Variants in EPB41L5 observed in about 807,000 individuals in gnomAD.
The protein encoded by EPB41L5 is band 4.1-like protein 5.
A neutral mutation model predicts 106.6 loss-of-function variants in EPB41L5; 55 were observed. That is an observed-to-expected ratio of 0.52 (90% CI 0.42 to 0.65). The LOEUF (loss-of-function observed/expected upper bound fraction) is 0.65. Ranked by LOEUF, EPB41L5 falls within the 30% of genes least tolerant of loss-of-function variation. The probability of loss-of-function intolerance (pLI) is 0.00; values close to 1 mark genes in which losing one functional copy is unlikely to be tolerated. For missense variants in EPB41L5, 871 were observed against 882.1 expected (o/e 0.99, Z 0.16); for synonymous variants, 297 against 306.7 (o/e 0.97, Z 0.33).
chr2:120,112,460 C>T (rs181535127), intron 16 of EPB41L5, among the ~76,000 whole-genome samples: 1 of 152,252 alleles, frequency 6.6e-6, no homozygotes, highest in African/African-American at 2.4e-5. Flanking sequence ...CTGTTCTTGG[C>T]TTCAAGAAAT....
In EPB41L5 at chr2:120,042,051, C is replaced by T. The variant is rs1457282318; in HGVS notation, c.226C>T (p.Leu76=). Reference sequence around the variant, plus strand: ...GTTGTTTGATCAGATTATGTACCACCTGGACCTGATTGAAAGCGACTATTT... The same window carrying T: ...GTTGTTTGATCAGATTATGTACCACTTGGACCTGATTGAAAGCGACTATTT... ...QELFDQIMYH[L]DLIESDYFGL... Residue 76 remains leucine (L), a synonymous_variant, in exon 3 of 25, where the codon CTG becomes TTG. Coordinates refer to ENST00000263713, the MANE Select transcript of EPB41L5 (RefSeq NM_020909.4). 3 of 1,613,490 alleles carry T rather than the reference C, an allele frequency of 1.9e-6. No individual in the cohort carries two copies. Among genetic ancestry groups the T allele is most frequent in the South Asian group, 2.2e-5 (2 of 91,034 alleles).
At position 120,178,024 on chromosome 2, in the gene EPB41L5, C is replaced by T. The variant is rs1045713630; in HGVS notation, c.*3117C>T. On this transcript the variant is annotated 3_prime_UTR_variant, in exon 25 of 25. Transcript: ENST00000263713. ...CTGCTATTTTTCTAAGTAAGAGTCT[C>T]GAGAAGCAGAGTTTTTGTCTTGTCA... is the stretch of plus-strand genomic sequence containing the variant. 3 of 152,596 alleles carry T rather than the reference C, an allele frequency of 2.0e-5. No individual in the cohort carries two copies. Among genetic ancestry groups the T allele is most frequent in the Non-Finnish European group, 4.4e-5 (3 of 68,036 alleles). The allele number at this position is 152,596 out of a possible 1,614,324, so 9.5% of individuals were successfully genotyped here.
In EPB41L5 at chr2:120,175,625, C is replaced by T. The variant is rs114072530; in HGVS notation, c.*718C>T. On this transcript the variant is annotated 3_prime_UTR_variant, in exon 25 of 25. Transcript: ENST00000263713. Reference sequence around the variant, plus strand: ...TCACCCTGCCTTTCCACAGGAAGCACTCACAGGCACCACACACGTATCATG... The same window carrying T: ...TCACCCTGCCTTTCCACAGGAAGCATTCACAGGCACCACACACGTATCATG... 1,388 of 152,222 alleles carry T rather than the reference C, an allele frequency of 9.1e-3. 12 individuals are homozygous for T. Among genetic ancestry groups the T allele is most frequent in the Non-Finnish European group, 0.014 (968 of 68,048 alleles). The allele number at this position is 152,222 out of a possible 1,614,324, so 9.4% of individuals were successfully genotyped here.
chr2:120,104,693 T>A (rs1464613381), intron 16 of EPB41L5: 2 of 977,272 alleles, frequency 2.0e-6, no homozygotes, highest in African/African-American at 3.5e-5. Context: ...TAAAAACTTG[T>A]TCTTATACAC....
rs1687935043 is a variant in EPB41L5 at position 120,176,848 on chromosome 2, C to T, written c.*1941C>T. On this transcript the variant is annotated 3_prime_UTR_variant, in exon 25 of 25. Transcript: ENST00000263713. The stretch of plus-strand genomic sequence containing the variant: ...CATCCAGTTCAGGAGGTGACAACAT[C>T]CTTATTTTAAACTTCCTAAAATTAG... 1.3e-5 allele frequency: 2 copies of T among 152,158 alleles called. No individual in the cohort carries two copies. The highest frequency in any genetic ancestry group is 1.3e-4 in the Admixed American group (2 of 15,276). 9.4% of individuals were successfully genotyped at this position (152,158 alleles called of 1,614,324 possible).
At chr2:120,069,128 CAA>C (rs539813602) in intron 3 of EPB41L5, among the ~76,000 whole-genome samples, 2 of 79,550 alleles carry the variant, frequency 2.5e-5, no homozygotes, top group African/African-American at 1.2e-4. Flanking sequence ...AACTCTGTCT[CAA>C]AAAAAAAAAA....
intron 10 of EPB41L5, among the ~76,000 whole-genome samples, chr2:120,081,699 C>T (rs1682680899): frequency 6.6e-6 from 1 of 152,126 alleles, no homozygotes; most frequent in Non-Finnish European, 1.5e-5. Flanking sequence ...TTACCTTGGG[C>T]AGTATGGCTA....
chr2:120,104,634 C>T (rs777472573), intron 16 of EPB41L5: 48 of 987,882 alleles, frequency 4.9e-5, no homozygotes, highest in Non-Finnish European at 5.8e-5. Flanking sequence ...ACTAAAAACA[C>T]AGTGGAAGCA....
intron 7 of EPB41L5, 82 bp downstream of exon 7, chr2:120,075,835 T>C: frequency 8.9e-7 from 1 of 1,118,514 alleles, no homozygotes; most frequent in Non-Finnish European, 1.4e-6. Flanking sequence ...ATTCTAATTA[T>C]GTGCAAGAAA....
At chr2:120,105,300 T>G (rs1684385036) in intron 16 of EPB41L5, 3 of 962,466 alleles carry the variant, frequency 3.1e-6, no homozygotes, top group Non-Finnish European at 3.7e-6. Flanking sequence ...AATTTTCAAA[T>G]TTTTAAACTA....
chr2:120,066,224 T>C (rs1681434219), intron 3 of EPB41L5, among the ~76,000 whole-genome samples: 1 of 152,120 alleles, frequency 6.6e-6, no homozygotes, highest in Non-Finnish European at 1.5e-5. Flanking sequence ...ATGTGTTCAT[T>C]GTGGAGTAAG....
chr2:120,165,984 A>C (rs1027280848), intron 22 of EPB41L5, among the ~76,000 whole-genome samples: 2 of 150,200 alleles, frequency 1.3e-5, no homozygotes, highest in Non-Finnish European at 2.9e-5. Context: ...AAAAAAAAAA[A>C]AAAAAAAAAA....
chr2:120,119,701 G>A (rs1195307305), intron 16 of EPB41L5, among the ~76,000 whole-genome samples: 3 of 151,760 alleles, frequency 2.0e-5, no homozygotes, highest in South Asian at 2.1e-4. Context: ...ACGGTGTAAC[G>A]TATCCAAAGG....
At chr2:120,117,364 T>G (rs1043365923) in intron 16 of EPB41L5, among the ~76,000 whole-genome samples, 1 of 152,238 alleles carries the variant, frequency 6.6e-6, no homozygotes, top group African/African-American at 2.4e-5. Context: ...GGTTCTCCTT[T>G]TTAGACAGAG....
At chr2:120,144,781 A>C (rs1443163738) in intron 19 of EPB41L5, among the ~76,000 whole-genome samples, 1 of 152,232 alleles carries the variant, frequency 6.6e-6, no homozygotes, top group East Asian at 1.9e-4. Flanking sequence ...TTAACAAAAT[A>C]TATTCAAAAC....
intron 3 of EPB41L5, among the ~76,000 whole-genome samples, chr2:120,044,303 AT>A (rs1245586429): frequency 6.6e-6 from 1 of 152,184 alleles, no homozygotes; most frequent in Admixed American, 6.5e-5. Flanking sequence ...ATTAGACTAA[AT>A]TCACTAATGG....
At chr2:120,075,921 C>A (rs947022075) in intron 7 of EPB41L5, among the ~76,000 whole-genome samples, 168 bp downstream of exon 7, 25 of 152,202 alleles carry the variant, frequency 1.6e-4, no homozygotes, top group Admixed American at 1.6e-3. Context: ...ACATTGCCTT[C>A]TTTTTCTTCT....
chr2:120,052,392 A>G (rs1680346840), intron 3 of EPB41L5, among the ~76,000 whole-genome samples: 2 of 152,302 alleles, frequency 1.3e-5, no homozygotes, highest in African/African-American at 2.4e-5. Context: ...TCCCATTACT[A>G]GTGATACTAA....
chr2:120,108,273 A>C (rs1475638865), intron 16 of EPB41L5: 2 of 152,132 alleles, frequency 1.3e-5, no homozygotes, highest in African/African-American at 4.8e-5. Flanking sequence ...GTGTTTTCCA[A>C]GGATTGTGAC....
Sources: allele counts gnomAD v4.1 joint callset (sites outside exome capture counted in the v4.1 genomes callset), GRCh38; gene constraint gnomAD v4.1.1; transcripts MANE v1.5; gene names NCBI Gene and HGNC (gene_info 2026-07-23, HGNC 2026-07-21).